Variants in SULF1 observed in about 807,000 individuals in gnomAD.
SULF1 encodes sulfatase 1.
Under a neutral mutation model 110.5 loss-of-function variants are expected in SULF1, and 46 were observed. That is an observed-to-expected ratio of 0.42 (90% CI 0.33 to 0.53). The LOEUF (loss-of-function observed/expected upper bound fraction) is 0.53. Ranked by LOEUF, SULF1 falls within the 20% of genes least tolerant of loss-of-function variation. SULF1 has a pLI of 0.12. For synonymous variants in SULF1, 371 were observed against 387.1 expected (o/e 0.96, Z 0.49); for missense variants, 941 against 1,094.2 (o/e 0.86, Z 1.98).
At chr8:69,648,004 A>G (rs750930156) in intron 22 of SULF1, among the ~76,000 whole-genome samples, 3 of 151,606 alleles carry the variant, frequency 2.0e-5, no homozygotes, top group Non-Finnish European at 4.4e-5. Flanking sequence ...CAGGACGCCA[A>G]AATCAGAACC....
rs544428865 is a variant in SULF1, at chr8:69,611,566, T to C, written c.1377+6634T>C. ...AGCTAAGTAGCAGTTTGGACAAAGA[T>C]GTGAATATGGTCTTTGTATATTCCC... On this transcript the variant is annotated intron_variant, in intron 13 of 22. Transcript: ENST00000402687. Among the ~76,000 whole-genome samples the C allele has an allele frequency of 1.1e-4, 16 of 152,352 alleles. No homozygotes were observed. The South Asian group carries it at 3.1e-3, about 30-fold the overall frequency.
chr8:69,508,401 G>A (rs1382456562), intron 3 of SULF1, among the ~76,000 whole-genome samples: 4 of 152,118 alleles, frequency 2.6e-5, no homozygotes, highest in African/African-American at 9.7e-5. Flanking sequence ...CACCAGGCCC[G>A]GCCAGGTAAT....
chr8:69,621,400 A>G, intron 14 of SULF1, 149 bp downstream of exon 14: 1 of 538,144 alleles, frequency 1.9e-6, no homozygotes. Context: ...TATTTAAAAT[A>G]AGAAAGCTAA....
intron 5 of SULF1, among the ~76,000 whole-genome samples, chr8:69,574,693 T>C (rs1460852360): frequency 1.3e-5 from 2 of 152,200 alleles, no homozygotes; most frequent in Non-Finnish European, 2.9e-5. Flanking sequence ...ATAGAATGTT[T>C]TGCATGAAGT....
rs1337418816 is a variant in SULF1, at chr8:69,629,523, G to T, written c.2128G>T (p.Asp710Tyr). ...GAACAGGGAGGCTGCTCAGGAAGTA[G>T]ATAGCAAACTGCAACTTTTCAAGGA... ...HPFKEAAQEV[D>Y]SKLQLFKENN... The change falls in exon 19 of 23, where the codon GAT becomes TAT. Residue 710 changes from aspartate to tyrosine, a missense_variant. This residue lies in a region of SULF1 where 822 missense variants were observed against 934.3 expected (regional missense o/e 0.88). Coordinates refer to ENST00000402687, the MANE Select transcript of SULF1 (RefSeq NM_001128205.2). The T allele has an allele frequency of 1.9e-6, 3 of 1,613,332 alleles. No individual in the cohort carries two copies. The highest frequency in any genetic ancestry group is 1.3e-5 in the African/African-American group (1 of 74,974).
intron 3 of SULF1, among the ~76,000 whole-genome samples, chr8:69,519,100 G>A (rs1372149): frequency 0.52 from 79,294 of 151,964 alleles, 21,431 homozygotes; most frequent in South Asian, 0.64. Flanking sequence ...TATGTCATTT[G>A]TCCAGTTTTC....
In SULF1 at chr8:69,627,743, A is replaced by G. The variant is rs188311255; in HGVS notation, c.1948-29A>G. The G allele has an allele frequency of 5.8e-5, 84 of 1,442,754 alleles. No individual in the cohort carries two copies. The East Asian group carries it at 1.8e-3, about 31-fold the overall frequency. The allele number at this position is 1,442,754 out of a possible 1,614,324, so 89.4% of individuals were successfully genotyped here. On this transcript the variant is annotated intron_variant, in intron 16 of 22. Coordinates refer to ENST00000402687, the MANE Select transcript of SULF1 (RefSeq NM_001128205.2). ...TTGTAAAGAAAATCCTGATCTTAAT[A>G]CGTAAGTGCTTGAAAACATGTTTTC... is the stretch of plus-strand genomic sequence containing the variant.
chr8:69,501,281 T>C (rs1023473424), intron 2 of SULF1, among the ~76,000 whole-genome samples: 5 of 152,252 alleles, frequency 3.3e-5, no homozygotes, highest in African/African-American at 1.2e-4. Flanking sequence ...CAGATGTTCA[T>C]GGCAGCAAGA....
upstream of SULF1, among the ~76,000 whole-genome samples, chr8:69,488,719 T>C (rs573979706): frequency 1.3e-4 from 19 of 151,900 alleles, no homozygotes; most frequent in African/African-American, 4.3e-4. Flanking sequence ...CACCCAACAG[T>C]GGACAGATGA....
intron 13 of SULF1, among the ~76,000 whole-genome samples, chr8:69,616,777 C>A (rs1015197576): frequency 6.6e-6 from 1 of 150,588 alleles, no homozygotes; most frequent in Admixed American, 6.6e-5. Flanking sequence ...GGTCTTGAAC[C>A]CCTGACCTCA....
rs146535053 is a variant in SULF1 at position 69,601,346 on chromosome 8, G to A, written c.886-308G>A. Among the ~76,000 whole-genome samples, 278 of 152,286 alleles carry A rather than the reference G, an allele frequency of 1.8e-3. 1 individual carries two copies. Among genetic ancestry groups the A allele is most frequent in the African/African-American group, 6.3e-3 (260 of 41,548 alleles). ...ATAATTTTAACAATGGATTTTCAAA[G>A]TACAACCTATAAAGTTTGATGGTAG... On this transcript the variant is annotated intron_variant, in intron 9 of 22. Coordinates refer to ENST00000402687, the MANE Select transcript of SULF1 (RefSeq NM_001128205.2).
intron 3 of SULF1, among the ~76,000 whole-genome samples, chr8:69,509,052 T>C (rs983171802): frequency 4.6e-5 from 7 of 152,250 alleles, no homozygotes; most frequent in African/African-American, 1.7e-4. Flanking sequence ...TAGAATGTAC[T>C]TGTCCCATTT....
rs141247116 is a variant in SULF1 at position 69,572,838 on chromosome 8, G to T, written c.173-3132G>T. On this transcript the variant is annotated intron_variant, in intron 5 of 22. Coordinates refer to ENST00000402687, the MANE Select transcript of SULF1 (RefSeq NM_001128205.2). ...AAGCCAGATTCCCACTTTTTGTTTT[G>T]TTTTTATGAGACAGAGTCTCGCTTT... Among the ~76,000 whole-genome samples, 4 of 152,118 alleles carry T rather than the reference G, an allele frequency of 2.6e-5. No homozygotes were observed. The East Asian group carries it at 7.7e-4, about 29-fold the overall frequency.
intron 3 of SULF1, among the ~76,000 whole-genome samples, chr8:69,530,246 T>C (rs1337015165): frequency 1.3e-5 from 2 of 152,032 alleles, no homozygotes; most frequent in Non-Finnish European, 2.9e-5. Flanking sequence ...ACCAGGATAG[T>C]CAAACATCAG....
chr8:69,518,370 C>CTTTT (rs2150605407), intron 3 of SULF1, among the ~76,000 whole-genome samples: 1 of 152,252 alleles, frequency 6.6e-6, no homozygotes, highest in South Asian at 2.1e-4. Flanking sequence ...ATCTCTGAGT[C>CTTTT]TTTTTCTCTT....
At chr8:69,583,083 T>G (rs1016845597) in intron 6 of SULF1, among the ~76,000 whole-genome samples, 5 of 152,220 alleles carry the variant, frequency 3.3e-5, no homozygotes, top group Admixed American at 2.0e-4. Flanking sequence ...TGGCTGACTG[T>G]AGACCTAATT....
chr8:69,604,457 G>GT (rs1349120581), intron 12 of SULF1, among the ~76,000 whole-genome samples: 1 of 151,956 alleles, frequency 6.6e-6, no homozygotes, highest in African/African-American at 2.4e-5. Flanking sequence ...CCATTGCCTT[G>GT]TTTTTCTCTG....
intron 1 of SULF1, among the ~76,000 whole-genome samples, chr8:69,493,378 T>G (rs1350067162): frequency 6.6e-6 from 1 of 151,444 alleles, no homozygotes; most frequent in Non-Finnish European, 1.5e-5. Context: ...GGTACTGAAA[T>G]TGGCCACTTT....
chr8:69,611,982 T>C (rs1156446897), intron 13 of SULF1, among the ~76,000 whole-genome samples: 1 of 152,188 alleles, frequency 6.6e-6, no homozygotes, highest in Non-Finnish European at 1.5e-5. Flanking sequence ...GTTTGTAGTC[T>C]TTTATCCCTC....
Sources: allele counts gnomAD v4.1 joint callset (sites outside exome capture counted in the v4.1 genomes callset), GRCh38; gene constraint gnomAD v4.1.1; regional missense constraint gnomAD v4.1.1; transcripts MANE v1.5; gene names NCBI Gene and HGNC (gene_info 2026-07-23, HGNC 2026-07-21).